MNDA: variants seen among roughly 807,000 people sequenced by gnomAD.
MNDA encodes the protein myeloid cell nuclear differentiation antigen.
In MNDA, 43 loss-of-function variants were observed where a neutral mutation model predicts 37.8. That is an observed-to-expected ratio of 1.14 (90% CI 0.89 to 1.47). MNDA has a LOEUF of 1.47. Ranked by LOEUF, MNDA falls within the 40% of genes most tolerant of loss-of-function variation. The probability of loss-of-function intolerance (pLI) is 0.00; values close to 1 mark genes in which losing one functional copy is unlikely to be tolerated. For synonymous variants in MNDA, 181 were observed against 169.0 expected, an observed-to-expected ratio of 1.07 and a Z score of -0.55; for missense variants, 536 against 476.0, an observed-to-expected ratio of 1.13 and a Z score of -1.17.
chr1:158,843,533 C>A (rs973897764), intron 3 of MNDA, 118 bp downstream of exon 3: 16 of 1,134,680 alleles, frequency 1.4e-5, no homozygotes, highest in Non-Finnish European at 1.7e-5. Context: ...AATTATGGAT[C>A]TTCTTTGTGA....
chr1:158,848,818 T>G (rs1445795977), intron 6 of MNDA, among the ~76,000 whole-genome samples: 4 of 152,122 alleles, frequency 2.6e-5, no homozygotes, highest in Admixed American at 2.6e-4. Flanking sequence ...AGGAATTATA[T>G]GCACTGCTTG....
chr1:158,844,024 C>A lies in MNDA; in HGVS notation c.472C>A (p.Pro158Thr). The A allele has an allele frequency of 6.2e-7, 1 of 1,613,180 alleles. No individual in the cohort carries two copies. Residue 158 changes from proline (P) to threonine (T), a missense_variant, in exon 4 of 7, where the codon CCC (proline) becomes ACC (threonine). Transcript: ENST00000368141. ...TAAGGTGTCCCAAGAGCAGAGTAAG[C>A]CCCCAGGTCCCTCAGGAGCCAGCAC... Reference protein sequence around the residue: ...RNKVSQEQSKPPGPSGASTSA... With the variant: ...RNKVSQEQSKTPGPSGASTSA...
chr1:158,836,100 T>C (rs956145318), intron 1 of MNDA, among the ~76,000 whole-genome samples: 9 of 151,780 alleles, frequency 5.9e-5, no homozygotes, highest in Non-Finnish European at 1.5e-5. Context: ...GATGCATAAA[T>C]AAATTTAACG....
intron 4 of MNDA, among the ~76,000 whole-genome samples, chr1:158,844,490 T>C (rs1659094154): frequency 6.7e-6 from 1 of 149,788 alleles, no homozygotes; most frequent in Non-Finnish European, 1.5e-5. Flanking sequence ...GCAACTCAAA[T>C]AGGCCAGGAC....
chr1:158,843,999 T>A lies in MNDA; in HGVS notation c.447T>A (p.Asn149Lys). The A allele has an allele frequency of 2.5e-6, 4 of 1,611,582 alleles. No homozygotes were observed. Among genetic ancestry groups the A allele is most frequent in the Non-Finnish European group, 3.4e-6 (4 of 1,179,268 alleles). Residue 149 changes from asparagine to lysine, a missense_variant, in exon 4 of 7, where the codon AAT becomes AAA. By Grantham distance (94) the Asn-to-Lys change is moderately conservative. Transcript: ENST00000368141. ...PNKEKTEAKR[N>K]KVSQEQSKPP... ...AAGAAAAGACTGAAGCCAAAAGGAA[T>A]AAGGTGTCCCAAGAGCAGAGTAAGC...
rs58502272 is a variant in MNDA, at chr1:158,834,231, A to ATTT, written c.-21+2691_-21+2693dup. Among the ~76,000 whole-genome samples, 710 of 130,232 alleles carry ATTT rather than the reference A, an allele frequency of 5.5e-3. 22 individuals carry two copies. Among genetic ancestry groups the ATTT allele is most frequent in the African/African-American group, 0.012 (422 of 33,816 alleles). The allele number at this position is 130,232 out of a possible 152,430, so 85.4% of individuals were successfully genotyped here. A position where few individuals can be genotyped will look rare whatever the true frequency, so the allele number is the denominator to read the frequency against. ...AAATGTCTATTCAAGTCCTTTATCA[A>ATTT]TTTTTTTTTTTTTTTTTTTGAGACG... is the stretch of plus-strand genomic sequence containing the variant. On this transcript the variant is annotated intron_variant, in intron 1 of 6. Coordinates refer to ENST00000368141, the MANE Select transcript of MNDA (RefSeq NM_002432.3).
At position 158,845,776 on chromosome 1, in the gene MNDA, A is replaced by G; in HGVS notation, c.760A>G (p.Ile254Val). 1 of 1,614,132 alleles carries G rather than the reference A, an allele frequency of 6.2e-7. No individual in the cohort carries two copies. Among genetic ancestry groups the G allele is most frequent in the South Asian group, 1.1e-5 (1 of 91,080 alleles). Reference sequence around the variant, plus strand: ...ATATTTCCATGTGAAAGTCTTCGACATCAACTTGAAAGAGAAATTTGTAAG... The same window carrying G: ...ATATTTCCATGTGAAAGTCTTCGACGTCAACTTGAAAGAGAAATTTGTAAG... ...TQYFHVKVFD[I>V]NLKEKFVRKK... Residue 254 changes from isoleucine (I) to valine (V), a missense_variant, in exon 5 of 7, where the codon ATC becomes GTC. Physicochemically the swap from Ile to Val is conservative, Grantham distance 29. Transcript: ENST00000368141.
chr1:158,842,000 T>C (rs942259880), intron 1 of MNDA, 134 bp from the exon 2 acceptor site: 1 of 667,676 alleles, frequency 1.5e-6, no homozygotes, highest in African/African-American at 1.8e-5. Flanking sequence ...ACATATCTGG[T>C]AACTTAGTCC....
At chr1:158,845,429 T>C (rs1659113210) in intron 4 of MNDA, among the ~76,000 whole-genome samples, 158 bp from the exon 5 acceptor site, 1 of 151,868 alleles carries the variant, frequency 6.6e-6, no homozygotes, top group Admixed American at 6.6e-5. Flanking sequence ...TTAGTAGAGA[T>C]GGGGGTTTCA....
At position 158,846,153 on chromosome 1, in the gene MNDA, C is replaced by T. The variant is rs1571660693; in HGVS notation, c.987+150C>T. On this transcript the variant is annotated intron_variant, in intron 5 of 6. Coordinates refer to ENST00000368141, the MANE Select transcript of MNDA (RefSeq NM_002432.3). Reference sequence around the variant, plus strand: ...TTGTCCCACAAAATAGGAAATAGGACTAAGTGACCTATTAACTTTCTTACG... The same window carrying T: ...TTGTCCCACAAAATAGGAAATAGGATTAAGTGACCTATTAACTTTCTTACG... 5.2e-6 allele frequency: 4 copies of T among 772,866 alleles called. No individual in the cohort carries two copies. In the East Asian group the frequency reaches 1.1e-4, roughly 21 times the overall value. 47.9% of individuals were successfully genotyped at this position (772,866 alleles called of 1,614,324 possible).
At chr1:158,843,924 T>A (rs1300143894) in intron 3 of MNDA, 31 bp from the exon 4 acceptor site, 1 of 1,540,848 alleles carries the variant, frequency 6.5e-7, no homozygotes, top group East Asian at 2.3e-5. Flanking sequence ...GATACTAAAC[T>A]CCATTAACAG....
At chr1:158,837,655 A>G (rs991390922) in intron 1 of MNDA, among the ~76,000 whole-genome samples, 1 of 151,760 alleles carries the variant, frequency 6.6e-6, no homozygotes, top group Admixed American at 6.6e-5. Context: ...ATTCATTGTG[A>G]TATATATGTA....
At position 158,845,753 on chromosome 1, in the gene MNDA, A is replaced by G; in HGVS notation, c.737A>G (p.Tyr246Cys). 1 of 1,614,184 alleles carries G rather than the reference A, an allele frequency of 6.2e-7. No homozygotes were observed. The highest frequency in any genetic ancestry group is 8.5e-7 in the Non-Finnish European group (1 of 1,180,042). Residue 246 changes from tyrosine (Y) to cysteine (C), a missense_variant, in exon 5 of 7, where the codon TAT becomes TGT. Physicochemically the swap from Tyr to Cys is radical, Grantham distance 194 (BLOSUM62 -2). Coordinates refer to ENST00000368141, the MANE Select transcript of MNDA (RefSeq NM_002432.3). ...FHATVASKTQYFHVKVFDINL... is the reference protein window; with the variant it reads ...FHATVASKTQCFHVKVFDINL... ...GCTACAGTGGCCAGTAAGACTCAAT[A>G]TTTCCATGTGAAAGTCTTCGACATC... is the stretch of plus-strand genomic sequence containing the variant.
At chr1:158,835,674 A>C (rs1658897236) in intron 1 of MNDA, among the ~76,000 whole-genome samples, 1 of 151,874 alleles carries the variant, frequency 6.6e-6, no homozygotes, top group Admixed American at 6.6e-5. Flanking sequence ...TGAACAAAAA[A>C]ATCATCCTTG....
chr1:158,842,954 A>G (rs1659061361), intron 2 of MNDA, among the ~76,000 whole-genome samples: 1 of 152,190 alleles, frequency 6.6e-6, no homozygotes, highest in South Asian at 2.1e-4. Context: ...GCATCATGAA[A>G]GCCTTAGATA....
chr1:158,843,468 A>G, intron 3 of MNDA, 53 bp downstream of exon 3: 1 of 1,501,334 alleles, frequency 6.7e-7, no homozygotes, highest in Non-Finnish European at 8.9e-7. Context: ...ATACTCTGCT[A>G]TGGCACGTGG....
intron 1 of MNDA, among the ~76,000 whole-genome samples, chr1:158,837,881 G>A (rs890171260): frequency 6.0e-5 from 9 of 151,252 alleles, no homozygotes; most frequent in African/African-American, 2.2e-4. Context: ...ACATCCTACA[G>A]ATATCTCTGT....
chr1:158,837,978 T>A (rs1318061824), intron 1 of MNDA, among the ~76,000 whole-genome samples: 1 of 151,954 alleles, frequency 6.6e-6, no homozygotes, highest in Admixed American at 6.5e-5. Flanking sequence ...ATATGCAAAA[T>A]GTTTACTCCT....
chr1:158,837,555 C>A (rs857866), intron 1 of MNDA, among the ~76,000 whole-genome samples: 121,202 of 151,628 alleles, frequency 0.8, 48,511 homozygotes, highest in African/African-American at 0.85. Flanking sequence ...AATGGAATAT[C>A]TCTTTTATTC....
Sources: gnomAD v4.1 joint callset for allele counts (sites outside exome capture counted in the v4.1 genomes callset) on GRCh38, gnomAD v4.1.1 for gene constraint, MANE v1.5 for transcripts, NCBI Gene and HGNC (gene_info 2026-07-23, HGNC 2026-07-21) for gene names.